TOM1L2: variants seen among roughly 807,000 people sequenced by gnomAD.
TOM1L2 encodes target of myb1 like 2 membrane trafficking protein, also known as TOM1-like protein 2.
A neutral mutation model predicts 67.9 loss-of-function variants in TOM1L2; 31 were observed. The observed-to-expected ratio is 0.46, with a 90% CI of 0.34 to 0.62. The LOEUF is 0.62. Ranked by LOEUF, TOM1L2 falls within the 20% of genes least tolerant of loss-of-function variation. The pLI, the probability that TOM1L2 is intolerant of heterozygous loss-of-function variation, is 0.01. For synonymous variants in TOM1L2, 256 were observed against 254.0 expected, an observed-to-expected ratio of 1.01 and a Z score of -0.07; for missense variants, 606 against 663.5, an observed-to-expected ratio of 0.91 and a Z score of 0.95.
chr17:17,873,036 G>A (rs1011099133), intron 7 of TOM1L2, among the ~76,000 whole-genome samples: 1 of 152,208 alleles, frequency 6.6e-6, no homozygotes, highest in Non-Finnish European at 1.5e-5. Flanking sequence ...ATACACCTCA[G>A]ACTTTCCAGA....
chr17:17,866,145 TG>T, intron 10 of TOM1L2, 150 bp downstream of exon 10: 1 of 902,074 alleles, frequency 1.1e-6, no homozygotes, highest in Non-Finnish European at 1.6e-6. Flanking sequence ...GAAAGTAAGG[TG>T]GTACAACTGG....
chr17:17,873,289 T>G (rs996625043), intron 7 of TOM1L2, among the ~76,000 whole-genome samples: 2 of 152,236 alleles, frequency 1.3e-5, no homozygotes, highest in Non-Finnish European at 2.9e-5. Flanking sequence ...ATTAACATTT[T>G]ACAGTGACAG....
intron 12 of TOM1L2, chr17:17,857,741 A>C: frequency 6.5e-7 from 1 of 1,530,988 alleles, no homozygotes; most frequent in Non-Finnish European, 8.8e-7. Context: ...GGTGGACAGC[A>C]GGCTTGGCTC....
intron 14 of TOM1L2, 118 bp from the exon 15 acceptor site, chr17:17,847,901 A>G: frequency 7.3e-7 from 1 of 1,378,424 alleles, no homozygotes; most frequent in Non-Finnish European, 1.0e-6. Flanking sequence ...CCCACCTAGG[A>G]GCAGGTGGGT....
At position 17,892,426 on chromosome 17, in the gene TOM1L2, C is replaced by T. The variant is rs2038335258; in HGVS notation, c.366+1235G>A. ...TCTGCCACAGCACTAATCACCCAGG[C>T]TGGATGTGCCTGTTGACTTATGTGC... On this transcript the variant is annotated intron_variant, in intron 4 of 14. Transcript: ENST00000379504. Among the ~76,000 whole-genome samples, 3 of 152,312 alleles carry T rather than the reference C, an allele frequency of 2.0e-5. No individual in the cohort carries two copies. In the South Asian group the frequency reaches 6.2e-4, roughly 32 times the overall value.
At chr17:17,907,614 C>A (rs943202256) in intron 1 of TOM1L2, 83 bp from the exon 2 acceptor site, 1 of 1,195,874 alleles carries the variant, frequency 8.4e-7, no homozygotes. Flanking sequence ...ACCAGAACCA[C>A]CACATTCTTC....
chr17:17,908,328 G>T (rs547007392), intron 1 of TOM1L2, among the ~76,000 whole-genome samples: 1 of 152,142 alleles, frequency 6.6e-6, no homozygotes, highest in Non-Finnish European at 1.5e-5. Flanking sequence ...AGACATAAAT[G>T]TAAGAGCTCA....
intron 3 of TOM1L2, among the ~76,000 whole-genome samples, chr17:17,896,434 C>A (rs1008320265): frequency 3.3e-5 from 5 of 152,134 alleles, no homozygotes; most frequent in Non-Finnish European, 7.3e-5. Context: ...CCACTGCCCG[C>A]CATTAGGGAA....
chr17:17,912,294 C>T (rs1409852487), intron 1 of TOM1L2, among the ~76,000 whole-genome samples: 1 of 151,856 alleles, frequency 6.6e-6, no homozygotes, highest in African/African-American at 2.4e-5. Context: ...CTGACCCCCC[C>T]ACCTCCCTCC....
intron 1 of TOM1L2, among the ~76,000 whole-genome samples, chr17:17,968,966 A>G (rs2041967849): frequency 2.6e-5 from 4 of 151,312 alleles, no homozygotes; most frequent in South Asian, 4.2e-4. Flanking sequence ...AGCACTTACA[A>G]TCTACACCAC....
intron 1 of TOM1L2, among the ~76,000 whole-genome samples, chr17:17,934,517 G>A (rs916048818): frequency 5.3e-5 from 8 of 152,130 alleles, no homozygotes; most frequent in Non-Finnish European, 7.4e-5. Flanking sequence ...CCCCTGATAC[G>A]GTAACAATGG....
chr17:17,864,840 A>C (rs755723692), intron 10 of TOM1L2, among the ~76,000 whole-genome samples: 1 of 152,198 alleles, frequency 6.6e-6, no homozygotes, highest in Non-Finnish European at 1.5e-5. Flanking sequence ...TATATGCTGG[A>C]CTGACTGAAG....
At chr17:17,870,581 G>T (rs1231672886) in intron 7 of TOM1L2, among the ~76,000 whole-genome samples, 4 of 152,170 alleles carry the variant, frequency 2.6e-5, no homozygotes, top group African/African-American at 9.7e-5. Flanking sequence ...AGACATGAAG[G>T]ATAAGTCTCT....
intron 1 of TOM1L2, 72 bp downstream of exon 1, chr17:17,972,190 G>A (rs1438611563): frequency 6.5e-6 from 10 of 1,531,882 alleles, no homozygotes; most frequent in Non-Finnish European, 8.8e-6. Flanking sequence ...GCGCCCGGCG[G>A]AGGCCCGCGG....
At chr17:17,954,057 T>C (rs1223855761) in intron 1 of TOM1L2, among the ~76,000 whole-genome samples, 1 of 152,218 alleles carries the variant, frequency 6.6e-6, no homozygotes, top group Non-Finnish European at 1.5e-5. Context: ...ATATAAGTTA[T>C]AAGTGCCACT....
chr17:17,866,535 G>A (rs900836000), intron 9 of TOM1L2, 116 bp from the exon 10 acceptor site: 1 of 1,358,236 alleles, frequency 7.4e-7, no homozygotes, highest in African/African-American at 1.5e-5. Flanking sequence ...CGCTGCTCTA[G>A]TACAGAAGCA....
intron 1 of TOM1L2, among the ~76,000 whole-genome samples, chr17:17,933,318 T>C (rs924621568): frequency 7.9e-5 from 12 of 152,216 alleles, no homozygotes; most frequent in African/African-American, 2.9e-4. Flanking sequence ...CAGGAGCTCC[T>C]GCCTCTTGTT....
At chr17:17,892,008 C>A (rs955706984) in intron 4 of TOM1L2, among the ~76,000 whole-genome samples, 3 of 152,242 alleles carry the variant, frequency 2.0e-5, no homozygotes, top group South Asian at 4.1e-4. Context: ...ACAGCATGTC[C>A]CTGGGTTCTT....
intron 1 of TOM1L2, among the ~76,000 whole-genome samples, chr17:17,908,284 C>T (rs749164024): frequency 2.6e-4 from 40 of 152,102 alleles, no homozygotes; most frequent in Non-Finnish European, 4.6e-4. Context: ...CTTTATCTTA[C>T]ACCATATACA....
Sources: gnomAD v4.1 joint callset for allele counts (sites outside exome capture counted in the v4.1 genomes callset) on GRCh38, gnomAD v4.1.1 for gene constraint, MANE v1.5 for transcripts, NCBI Gene and HGNC (gene_info 2026-07-23, HGNC 2026-07-21) for gene names.